The following AGK variants were observed in gnomAD, a reference collection of about 807,000 sequenced individuals.
AGK encodes acylglycerol kinase, also known as acylglycerol kinase, mitochondrial.
AGK carries 52 observed loss-of-function variants against 66.4 expected under a neutral mutation model. The observed-to-expected ratio is 0.78, with a 90% CI of 0.63 to 0.99. The LOEUF is 0.99. Ranked by LOEUF, AGK falls within the 50% of genes least tolerant of loss-of-function variation. The probability of loss-of-function intolerance (pLI) is 0.00; values close to 1 mark genes in which losing one functional copy is unlikely to be tolerated. For synonymous variants in AGK, 182 were observed against 181.1 expected, an observed-to-expected ratio of 1.00 and a Z score of -0.04; for missense variants, 451 against 506.6, an observed-to-expected ratio of 0.89 and a Z score of 1.05.
At chr7:141,566,866 A>G (rs1207777147) in intron 2 of AGK, among the ~76,000 whole-genome samples, 1 of 152,086 alleles carries the variant, frequency 6.6e-6, no homozygotes, top group East Asian at 1.9e-4. Flanking sequence ...TCAAGTCTGC[A>G]TTCCCATGTG....
In AGK at chr7:141,641,516, C is replaced by G; in HGVS notation, c.877+118C>G. The G allele has an allele frequency of 1.6e-5, 19 of 1,176,424 alleles. No individual in the cohort carries two copies. In the South Asian group the frequency reaches 3.0e-4, roughly 18 times the overall value. 72.9% of individuals were successfully genotyped at this position (1,176,424 alleles called of 1,614,324 possible). A position where few individuals can be genotyped will look rare whatever the true frequency, so the allele number is the denominator to read the frequency against. On this transcript the variant is annotated intron_variant, in intron 12 of 15. Coordinates refer to ENST00000649286, the MANE Select transcript of AGK (RefSeq NM_018238.4). ...AGAGCAGGAGAAGCCTCTCAGGGATCACTGAATTCATCCTTCTGTGTGCCA... is the reference window on the plus strand; with the variant it reads ...AGAGCAGGAGAAGCCTCTCAGGGATGACTGAATTCATCCTTCTGTGTGCCA...
In AGK at chr7:141,652,891, G is replaced by C; in HGVS notation, c.1236G>C (p.Lys412Asn). Residue 412 changes from lysine to asparagine, a missense_variant, in exon 16 of 16, where the codon AAG (lysine) becomes AAC (asparagine). Lys to Asn is a moderately conservative substitution (Grantham distance 94). Coordinates refer to ENST00000649286, the MANE Select transcript of AGK (RefSeq NM_018238.4). ...TGCAGTTCTTCTGTGATCCTAGGAAGAGAGAACAGATGCTCACAAGCCCCA... is the reference window on the plus strand; with the variant it reads ...TGCAGTTCTTCTGTGATCCTAGGAACAGAGAACAGATGCTCACAAGCCCCA... ...RKLQFFCDPR[K>N]REQMLTSPTQ is the part of the protein sequence containing the mutation. 2 of 1,614,094 alleles carry C rather than the reference G, an allele frequency of 1.2e-6. No homozygotes were observed. Among genetic ancestry groups the C allele is most frequent in the Non-Finnish European group, 1.7e-6 (2 of 1,180,026 alleles).
intron 2 of AGK, among the ~76,000 whole-genome samples, chr7:141,581,915 C>T (rs1482108705): frequency 2.6e-5 from 4 of 151,782 alleles, no homozygotes; most frequent in African/African-American, 9.7e-5. Flanking sequence ...CTGTCAATAC[C>T]CACAACAGTT....
chr7:141,559,217 CTATGTT>C (rs1423945253), intron 2 of AGK, among the ~76,000 whole-genome samples: 3 of 152,080 alleles, frequency 2.0e-5, no homozygotes, highest in Non-Finnish European at 4.4e-5. Context: ...AAGCTTTTCC[CTATGTT>C]TTCTTCTAGG....
chr7:141,646,464 A>G (rs1797416159), intron 13 of AGK, among the ~76,000 whole-genome samples: 1 of 152,126 alleles, frequency 6.6e-6, no homozygotes, highest in African/African-American at 2.4e-5. Context: ...TTAATTCTAG[A>G]CTAAAGGCTG....
chr7:141,573,922 C>T (rs1795672677), intron 2 of AGK, among the ~76,000 whole-genome samples: 1 of 151,912 alleles, frequency 6.6e-6, no homozygotes. Flanking sequence ...GTATGCTGCA[C>T]CCATTAACTC....
intron 9 of AGK, among the ~76,000 whole-genome samples, chr7:141,632,538 A>G (rs556216380): frequency 3.3e-5 from 5 of 152,302 alleles, no homozygotes; most frequent in East Asian, 1.9e-4. Context: ...TGTGGAGAGC[A>G]TCCAGGCTTG....
chr7:141,636,915 TTC>T (rs750424528), intron 10 of AGK, 43 bp from the exon 11 acceptor site: 12 of 1,485,002 alleles, frequency 8.1e-6, no homozygotes, highest in Middle Eastern at 1.8e-4. Context: ...CACATGATAG[TTC>T]TTTTGATATT....
intron 1 of AGK, among the ~76,000 whole-genome samples, chr7:141,552,028 C>A (rs1795101419): frequency 1.3e-5 from 2 of 152,172 alleles, no homozygotes. Flanking sequence ...ACCAGTCACC[C>A]AAGCACAAAA....
At chr7:141,572,152 G>A (rs1795619747) in intron 2 of AGK, among the ~76,000 whole-genome samples, 1 of 152,148 alleles carries the variant, frequency 6.6e-6, no homozygotes. Context: ...GTAGTATTTG[G>A]GGAACAGTGA....
intron 2 of AGK, among the ~76,000 whole-genome samples, chr7:141,585,722 G>A (rs1183631992): frequency 1.3e-5 from 2 of 152,080 alleles, no homozygotes; most frequent in African/African-American, 4.8e-5. Context: ...TTTATGACTT[G>A]GAATAAATTG....
intron 5 of AGK, among the ~76,000 whole-genome samples, chr7:141,604,381 T>TATATATAC (rs1796408099): frequency 7.3e-6 from 1 of 137,098 alleles, no homozygotes; most frequent in Non-Finnish European, 1.6e-5. Context: ...TGTGTATATA[T>TATATATAC]ATATATATAT....
chr7:141,589,476 T>C (rs1269980967), intron 2 of AGK, among the ~76,000 whole-genome samples: 3 of 152,170 alleles, frequency 2.0e-5, no homozygotes, highest in African/African-American at 7.2e-5. Context: ...TCTTTGAGGA[T>C]GTGTTTGATT....
chr7:141,571,211 C>G (rs1225059302), intron 2 of AGK, among the ~76,000 whole-genome samples: 2 of 152,332 alleles, frequency 1.3e-5, no homozygotes, highest in Admixed American at 1.3e-4. Context: ...AGTGCCTCAT[C>G]ACTGTGTTCT....
rs137872805 is a variant in AGK, at chr7:141,609,883, G to C, written c.298-1312G>C. Among the ~76,000 whole-genome samples, 327 of 152,120 alleles carry C rather than the reference G, an allele frequency of 2.1e-3. 4 individuals carry two copies. The highest frequency in any genetic ancestry group is 7.2e-3 in the African/African-American group (298 of 41,498). The stretch of plus-strand genomic sequence containing the variant: ...CATTTTTATCGCTCAGGAAATTCCA[G>C]GGGTTTTAGGAACTCTTTGCCAGGA... On this transcript the variant is annotated intron_variant, in intron 5 of 15. Transcript: ENST00000649286.
intron 13 of AGK, among the ~76,000 whole-genome samples, chr7:141,644,385 T>C (rs1797358751): frequency 3.3e-5 from 5 of 152,174 alleles, no homozygotes; most frequent in African/African-American, 1.2e-4. Flanking sequence ...TAGCAGCAAA[T>C]TCATTTGTTT....
At chr7:141,637,321 T>C (rs149942038) in intron 11 of AGK, among the ~76,000 whole-genome samples, 1 of 152,284 alleles carries the variant, frequency 6.6e-6, no homozygotes, top group African/African-American at 2.4e-5. Context: ...TAATGACATA[T>C]TCTTCAGCGA....
chr7:141,648,982 A>T, intron 13 of AGK: 1 of 288,250 alleles, frequency 3.5e-6, no homozygotes, highest in Non-Finnish European at 6.4e-6. Context: ...CTAGTGAGTG[A>T]CAGAACGTCC....
intron 4 of AGK, chr7:141,599,413 T>G (rs1195580211): frequency 6.6e-6 from 1 of 152,170 alleles, no homozygotes; most frequent in Non-Finnish European, 1.5e-5. Context: ...AATTTATTTC[T>G]TATTAGTAAC....
Sources: gnomAD v4.1 joint callset for allele counts (sites outside exome capture counted in the v4.1 genomes callset) on GRCh38, gnomAD v4.1.1 for gene constraint, MANE v1.5 for transcripts, NCBI Gene and HGNC (gene_info 2026-07-23, HGNC 2026-07-21) for gene names.